DNAJB1: variants seen among roughly 807,000 people sequenced by gnomAD.
DNAJB1 encodes dnaJ homolog subfamily B member 1.
Under a neutral mutation model 24.0 loss-of-function variants are expected in DNAJB1, and 14 were observed. The observed-to-expected ratio is 0.58, with a 90% CI of 0.39 to 0.91. The LOEUF (loss-of-function observed/expected upper bound fraction) is 0.91, where lower values mean the gene tolerates loss of function less well. Among genes scored for constraint, DNAJB1 ranks in the 40% least tolerant of loss-of-function variants. The pLI is 0.00. For missense variants in DNAJB1, 517 were observed against 458.1 expected (o/e 1.13, Z -1.17); for synonymous variants, 262 against 174.4 (o/e 1.50, Z -3.96).
intron 1 of DNAJB1, among the ~76,000 whole-genome samples, chr19:14,549,033 G>A (rs140928354): frequency 6.6e-6 from 1 of 151,272 alleles, no homozygotes; most frequent in Non-Finnish European, 1.5e-5. Flanking sequence ...TTTTCCATCC[G>A]CTTAAAAAGG....
chr19:14,555,865 C>T (rs778947994), intron 1 of DNAJB1, among the ~76,000 whole-genome samples: 4 of 152,168 alleles, frequency 2.6e-5, no homozygotes, highest in South Asian at 2.1e-4. Context: ...GGATTCCAGG[C>T]GTGAGCCACT....
chr19:14,549,954 T>TA (rs201560790), intron 1 of DNAJB1, among the ~76,000 whole-genome samples: 4,915 of 150,638 alleles, frequency 0.033, 151 homozygotes, highest in African/African-American at 0.088. Context: ...AAAAAAAAAA[T>TA]AAAAAAAATA....
At chr19:14,536,224 A>G (rs1027977031) in intron 1 of DNAJB1, among the ~76,000 whole-genome samples, 2 of 151,182 alleles carry the variant, frequency 1.3e-5, no homozygotes, top group Non-Finnish European at 2.9e-5. Flanking sequence ...TGCCACTGAC[A>G]AGGTTTGGAG....
chr19:14,534,382 C>G (rs1185479648), upstream of DNAJB1, among the ~76,000 whole-genome samples: 1 of 148,072 alleles, frequency 6.8e-6, no homozygotes, highest in East Asian at 2.0e-4. Flanking sequence ...CCTCGGCCTC[C>G]CAGGGTGCTG....
upstream of DNAJB1, among the ~76,000 whole-genome samples, chr19:14,534,423 C>CTTTTTTTTTTTTTTTTTTTT (rs756051119): frequency 3.8e-5 from 2 of 52,452 alleles, 1 homozygote; most frequent in African/African-American, 1.9e-4. Flanking sequence ...CATGCCTGGC[C>CTTTTTTTTTTTTTTTTTTTT]TTTTTTTTTT....
rs575059034 is a variant in DNAJB1, at chr19:14,559,112, C to G, written c.-2166+919G>C. 3.9e-5 allele frequency among the ~76,000 whole-genome samples: 6 copies of G among 152,208 alleles called. No homozygotes were observed. In the South Asian group the frequency reaches 1.2e-3, roughly 32 times the overall value. On this transcript the variant is annotated intron_variant, in intron 1 of 5. Transcript: ENST00000679223. ...GGGAACCTCTCCTGCTCCTCCCACC[C>G]GACTGTTTTTATTTTGATGGGTATG... is the stretch of plus-strand genomic sequence containing the variant.
intron 1 of DNAJB1, among the ~76,000 whole-genome samples, chr19:14,549,875 G>A (rs565132632): frequency 1.8e-4 from 27 of 151,852 alleles, no homozygotes; most frequent in Middle Eastern, 3.4e-3. Context: ...CTCGGCATGC[G>A]GAGGTTGCAG....
chr19:14,516,315 C>T, intron 2 of DNAJB1, 145 bp from the exon 3 acceptor site: 1 of 1,268,540 alleles, frequency 7.9e-7, no homozygotes, highest in Admixed American at 2.6e-5. Flanking sequence ...ACCACGAAAG[C>T]TCCACAACAG....
chr19:14,560,292 A>G (rs933725874), upstream of DNAJB1, among the ~76,000 whole-genome samples: 4 of 152,236 alleles, frequency 2.6e-5, no homozygotes, highest in East Asian at 7.7e-4. Flanking sequence ...TTGTATTTTA[A>G]GCTGTTGAGT....
chr19:14,540,269 T>C (rs983508853), intron 1 of DNAJB1, among the ~76,000 whole-genome samples: 12 of 152,032 alleles, frequency 7.9e-5, no homozygotes, highest in Admixed American at 7.9e-4. Context: ...AGGGTTTCAC[T>C]GTGTCAGCCA....
At chr19:14,536,952 T>G in intron 1 of DNAJB1, among the ~76,000 whole-genome samples, 2 of 88,244 alleles carry the variant, frequency 2.3e-5, no homozygotes. Flanking sequence ...ACGGGGCAGA[T>G]GTGGGGAGGA....
At chr19:14,551,086 T>C (rs1395009321), upstream of DNAJB1, among the ~76,000 whole-genome samples, 1 of 151,956 alleles carries the variant, frequency 6.6e-6, no homozygotes, top group Non-Finnish European at 1.5e-5. Context: ...TTTTTTCTTT[T>C]TTTGATATGG....
chr19:14,554,910 C>G (rs1007169727), upstream of DNAJB1, among the ~76,000 whole-genome samples: 1 of 151,906 alleles, frequency 6.6e-6, no homozygotes, highest in Non-Finnish European at 1.5e-5. Context: ...TCCTGAGTAG[C>G]TGGGACTACA....
At chr19:14,555,860 C>T (rs929058665) in intron 1 of DNAJB1, among the ~76,000 whole-genome samples, 2 of 152,050 alleles carry the variant, frequency 1.3e-5, no homozygotes, top group African/African-American at 4.8e-5. Flanking sequence ...TGCTGGGATT[C>T]CAGGCGTGAG....
At chr19:14,523,220 A>G (rs546249787), upstream of DNAJB1, among the ~76,000 whole-genome samples, 1 of 152,254 alleles carries the variant, frequency 6.6e-6, no homozygotes, top group African/African-American at 2.4e-5. Context: ...AGAAAAGAAA[A>G]GAAAAGAGTA....
upstream of DNAJB1, among the ~76,000 whole-genome samples, chr19:14,551,665 G>A (rs1362957754): frequency 2.0e-5 from 3 of 152,064 alleles, no homozygotes; most frequent in Non-Finnish European, 4.4e-5. Flanking sequence ...CCCCGCTGTG[G>A]TATGAGTTGC....
At chr19:14,552,145 T>TTTTCTTTC (rs141646907), upstream of DNAJB1, among the ~76,000 whole-genome samples, 7 of 148,264 alleles carry the variant, frequency 4.7e-5, no homozygotes, top group South Asian at 2.2e-4. Context: ...GGCCTTTTTC[T>TTTTCTTTC]TTTCTTTCTT....
intron 1 of DNAJB1, among the ~76,000 whole-genome samples, chr19:14,557,188 G>A (rs899270421): frequency 1.3e-5 from 2 of 151,326 alleles, no homozygotes; most frequent in African/African-American, 4.9e-5. Context: ...CGCCCAGGCT[G>A]GAGTGCAATG....
At chr19:14,533,581 C>T (rs930095386), upstream of DNAJB1, among the ~76,000 whole-genome samples, 2 of 152,264 alleles carry the variant, frequency 1.3e-5, no homozygotes, top group Non-Finnish European at 1.5e-5. Context: ...GGGTGCAGGA[C>T]GTGCTGACTG....
Sources: gnomAD v4.1 joint callset for allele counts (sites outside exome capture counted in the v4.1 genomes callset) on GRCh38, gnomAD v4.1.1 for gene constraint, MANE v1.5 for transcripts, NCBI Gene and HGNC (gene_info 2026-07-23, HGNC 2026-07-21) for gene names.